Variants in DCAF17 observed in about 807,000 individuals in gnomAD.
DCAF17 encodes DDB1- and CUL4-associated factor 17.
A neutral mutation model predicts 66.0 loss-of-function variants in DCAF17; 48 were observed. The observed-to-expected ratio is 0.73, with a 90% confidence interval of 0.58 to 0.92. The LOEUF is 0.92. Ranked by LOEUF, DCAF17 falls within the 40% of genes least tolerant of loss-of-function variation. DCAF17 has a pLI of 0.00. For missense variants in DCAF17, 562 were observed against 622.8 expected (o/e 0.90, Z 1.04); for synonymous variants, 206 against 214.6 (o/e 0.96, Z 0.35).
intron 13 of DCAF17, among the ~76,000 whole-genome samples, chr2:171,480,471 T>C (rs1278599168): frequency 6.6e-6 from 1 of 152,184 alleles, no homozygotes; most frequent in Non-Finnish European, 1.5e-5. Context: ...TTTCTTTCAA[T>C]TGTAAATTTG....
intron 2 of DCAF17, among the ~76,000 whole-genome samples, chr2:171,436,774 A>ATTT (rs147733426): frequency 7.3e-6 from 1 of 136,416 alleles, no homozygotes; most frequent in African/African-American, 2.7e-5. Flanking sequence ...AGAGAGGTTA[A>ATTT]TTTTTTTTTT....
intron 12 of DCAF17, among the ~76,000 whole-genome samples, chr2:171,479,207 A>G (rs932490295): frequency 2.0e-5 from 3 of 152,236 alleles, no homozygotes; most frequent in African/African-American, 7.2e-5. Flanking sequence ...AGTGGATTAG[A>G]GAGCAGTTTG....
chr2:171,476,643 G>A (rs896378335), intron 10 of DCAF17, among the ~76,000 whole-genome samples: 1 of 152,184 alleles, frequency 6.6e-6, no homozygotes, highest in African/African-American at 2.4e-5. Context: ...GGCACCTGTT[G>A]TCACAGTTCC....
intron 10 of DCAF17, among the ~76,000 whole-genome samples, chr2:171,475,530 C>T (rs1183057589): frequency 2.6e-5 from 4 of 151,932 alleles, no homozygotes; most frequent in East Asian, 3.9e-4. Flanking sequence ...TTTGGGAGGC[C>T]GAAGCAGGAG....
chr2:171,484,331 AAGAT>A lies in DCAF17; in HGVS notation c.*3219_*3222del. On this transcript the variant is annotated 3_prime_UTR_variant, in exon 14 of 14. Coordinates refer to ENST00000375255, the MANE Select transcript of DCAF17 (RefSeq NM_025000.4). Reference sequence around the variant, plus strand: ...TTTCAAACAAGGGACATACAATAGAAAGATAAGACCTACTGAGGTCTTTTTCCCA... The same window carrying A: ...TTTCAAACAAGGGACATACAATAGAAAAGACCTACTGAGGTCTTTTTCCCA... The A allele has an allele frequency of 2.4e-6, 1 of 413,780 alleles. No homozygotes were observed. Among genetic ancestry groups the A allele is most frequent in the South Asian group, 1.8e-5 (1 of 55,666 alleles). 25.6% of individuals were successfully genotyped at this position (413,780 alleles called of 1,614,324 possible). A position where few individuals can be genotyped will look rare whatever the true frequency, so the allele number is the denominator to read the frequency against.
chr2:171,451,251 T>C (rs1694936636), intron 5 of DCAF17, among the ~76,000 whole-genome samples: 1 of 152,114 alleles, frequency 6.6e-6, no homozygotes, highest in South Asian at 2.1e-4. Context: ...ACTTACTTTT[T>C]ATCATGGTTA....
Position 171,476,401 on chromosome 2 carries a change from G to A in DCAF17, c.1092-459G>A, listed in dbSNP as rs139652603. Among the ~76,000 whole-genome samples, 503 of 152,140 alleles carry A rather than the reference G, an allele frequency of 3.3e-3. 1 individual carries two copies. The highest frequency in any genetic ancestry group is 7.1e-3 in the Admixed American group (109 of 15,274). On this transcript the variant is annotated intron_variant, in intron 10 of 13. Transcript: ENST00000375255. Reference sequence around the variant, plus strand: ...CATGAAAACTCTTAGTTTCTATTTAGGTATAGATTTAATTGCTGATTGAAT... The same window carrying A: ...CATGAAAACTCTTAGTTTCTATTTAAGTATAGATTTAATTGCTGATTGAAT...
chr2:171,478,051 A>T lies in DCAF17; in HGVS notation c.1247A>T (p.Asp416Val), dbSNP rs1288356140. 6.2e-7 allele frequency: 1 copy of T among 1,613,786 alleles called. No individual in the cohort carries two copies. The highest frequency in any genetic ancestry group is 8.5e-7 in the Non-Finnish European group (1 of 1,179,732). Residue 416 changes from aspartate to valine, a missense_variant, in exon 12 of 14, where the codon GAT becomes GTT. Physicochemically the swap from Asp to Val is radical, Grantham distance 152 (BLOSUM62 -3). Transcript: ENST00000375255. ...GTAAAAAAAAGTTTTAACCTTCTGG[A>T]TGATGACCCAGAACAAGAGGTATTG... ...RVVKKSFNLL[D>V]DDPEQETFKI...
intron 8 of DCAF17, among the ~76,000 whole-genome samples, chr2:171,461,676 G>T (rs947025708): frequency 6.6e-6 from 1 of 152,044 alleles, no homozygotes; most frequent in Non-Finnish European, 1.5e-5. Context: ...TAATTTACAT[G>T]TAATTAAAAT....
chr2:171,476,980 T>C lies in DCAF17; in HGVS notation c.1182+30T>C, dbSNP rs1696528801. The C allele has an allele frequency of 2.7e-6, 4 of 1,499,426 alleles. No homozygotes were observed. The East Asian group carries it at 9.0e-5, about 34-fold the overall frequency. The allele number at this position is 1,499,426 out of a possible 1,614,324, so 92.9% of individuals were successfully genotyped here. On this transcript the variant is annotated intron_variant, in intron 11 of 13. Transcript: ENST00000375255. ...GTCAAGAGTACTTTAAAATCCTTTA[T>C]ATATCATTGTCTTTCTATATAAGAC...
In DCAF17 at chr2:171,478,073, A is replaced by G; in HGVS notation, c.1266+3A>G. 1.9e-6 allele frequency: 3 copies of G among 1,612,870 alleles called. No individual in the cohort carries two copies. Among genetic ancestry groups the G allele is most frequent in the Non-Finnish European group, 1.7e-6 (2 of 1,178,960 alleles). ...TGGATGATGACCCAGAACAAGAGGT[A>G]TTGCTTTGGCCAGAGATGACAAACC... is the stretch of plus-strand genomic sequence containing the variant. On this transcript the variant is annotated splice_donor_region_variant and intron_variant, in intron 12 of 13. Transcript: ENST00000375255.
intron 2 of DCAF17, among the ~76,000 whole-genome samples, chr2:171,438,006 T>C (rs1317093273): frequency 6.6e-6 from 1 of 152,242 alleles, no homozygotes; most frequent in Non-Finnish European, 1.5e-5. Flanking sequence ...CTGCTATACC[T>C]TTTCCTCTAA....
At position 171,434,437 on chromosome 2, in the gene DCAF17, G is replaced by A. The variant is rs984241056; in HGVS notation, c.-141G>A. Reference sequence around the variant, plus strand: ...CCCCGCCGTCGGGTGCTCCCTGCCCGCCTCCCCGTGTCAGCTTTCCCTGGG... The same window carrying A: ...CCCCGCCGTCGGGTGCTCCCTGCCCACCTCCCCGTGTCAGCTTTCCCTGGG... On this transcript the variant is annotated 5_prime_UTR_variant, in exon 1 of 14. Transcript: ENST00000375255. 4.2e-6 allele frequency: 6 copies of A among 1,430,076 alleles called. No individual in the cohort carries two copies. The highest frequency in any genetic ancestry group is 5.7e-6 in the Non-Finnish European group (6 of 1,056,326). 88.6% of individuals were successfully genotyped at this position (1,430,076 alleles called of 1,614,324 possible). A position where few individuals can be genotyped will look rare whatever the true frequency, so the allele number is the denominator to read the frequency against.
At chr2:171,451,849 G>A (rs970341894) in intron 5 of DCAF17, among the ~76,000 whole-genome samples, 4 of 152,110 alleles carry the variant, frequency 2.6e-5, no homozygotes, top group Non-Finnish European at 4.4e-5. Flanking sequence ...CACCACTCCT[G>A]GCTAAGAATT....
chr2:171,442,563 C>CAAAAAAAAA (rs1176443561), intron 2 of DCAF17, among the ~76,000 whole-genome samples: 6 of 60,612 alleles, frequency 9.9e-5, no homozygotes, highest in Admixed American at 1.7e-4. Context: ...GACTCCATCT[C>CAAAAAAAAA]AAAAAAAAAA....
In DCAF17 at chr2:171,443,542, A is replaced by C; in HGVS notation, c.250A>C (p.Lys84Gln). Residue 84 changes from lysine to glutamine, a missense_variant, in exon 3 of 14, where the codon AAA becomes CAA. Lys to Gln is a moderately conservative substitution (Grantham distance 53, BLOSUM62 1). Coordinates refer to ENST00000375255, the MANE Select transcript of DCAF17 (RefSeq NM_025000.4). ...CVSSVASEPRKLYEMPKCSKS... is the reference protein window; with the variant it reads ...CVSSVASEPRQLYEMPKCSKS... ...TCCCAGTGTTGCATCTGAGCCAAGA[A>C]AACTTTATGAAATGCCAAAATGTTC... The C allele has an allele frequency of 6.2e-7, 1 of 1,612,890 alleles. No individual in the cohort carries two copies.
rs768397399 is a variant in DCAF17 at position 171,453,139 on chromosome 2, C to T, written c.553C>T (p.His185Tyr). ...AVARQAGIQQ[H>Y]VLLYLAVFRV... is the part of the protein sequence containing the mutation. The stretch of plus-strand genomic sequence containing the variant: ...TTCCTTCTAGGCAGGCATTCAACAA[C>T]ATGTTTTGCTGTACCTTGCAGTGTT... The change falls in exon 6 of 14, where the codon CAT (histidine) becomes TAT (tyrosine). Residue 185 changes from histidine (H) to tyrosine (Y), a missense_variant. By Grantham distance (83) the His-to-Tyr change is moderately conservative (BLOSUM62 2). This residue lies in a region of DCAF17 where 348 missense variants were observed against 355.9 expected (regional missense o/e 0.98). Coordinates refer to ENST00000375255, the MANE Select transcript of DCAF17 (RefSeq NM_025000.4). The T allele has an allele frequency of 1.2e-6, 2 of 1,608,288 alleles. No individual in the cohort carries two copies. Among genetic ancestry groups the T allele is most frequent in the African/African-American group, 2.7e-5 (2 of 74,798 alleles).
chr2:171,458,414 G>A lies in DCAF17; in HGVS notation c.775G>A (p.Gly259Ser), dbSNP rs547306608. The change falls in exon 8 of 14, where the codon GGT (glycine) becomes AGT (serine). Residue 259 changes from glycine to serine, a missense_variant. This residue lies in a region of DCAF17 where 348 missense variants were observed against 355.9 expected (regional missense o/e 0.98). Coordinates refer to ENST00000375255, the MANE Select transcript of DCAF17 (RefSeq NM_025000.4). Reference protein sequence around the residue: ...KLDLGCACRWGGTTGTVGEAP... With the variant: ...KLDLGCACRWSGTTGTVGEAP... ...TGACTTAGGGTGTGCATGCAGATGG[G>A]GTGGGACTACTGGAACTGTAGGAGA... 1.2e-6 allele frequency: 2 copies of A among 1,613,928 alleles called. No individual in the cohort carries two copies. The highest frequency in any genetic ancestry group is 2.2e-5 in the South Asian group (2 of 91,066).
At chr2:171,453,708 G>A (rs1477667311) in intron 6 of DCAF17, among the ~76,000 whole-genome samples, 1 of 151,930 alleles carries the variant, frequency 6.6e-6, no homozygotes, top group Non-Finnish European at 1.5e-5. Context: ...CAGTTACATG[G>A]GAGGAAAGAA....
Sources: allele counts gnomAD v4.1 joint callset (sites outside exome capture counted in the v4.1 genomes callset), GRCh38; gene constraint gnomAD v4.1.1; regional missense constraint gnomAD v4.1.1; transcripts MANE v1.5; gene names NCBI Gene and HGNC (gene_info 2026-07-23, HGNC 2026-07-21).